The following PARP8 variants were observed in gnomAD, a reference collection of about 807,000 sequenced individuals.
PARP8 encodes protein mono-ADP-ribosyltransferase PARP8.
In PARP8, 51 loss-of-function variants were observed where a neutral mutation model predicts 124.1. That is an observed-to-expected ratio of 0.41 (90% CI 0.33 to 0.52). The LOEUF is 0.52. Ranked by LOEUF, PARP8 falls within the 20% of genes least tolerant of loss-of-function variation. PARP8 has a pLI of 0.21. For synonymous variants in PARP8, 391 were observed against 361.5 expected, an observed-to-expected ratio of 1.08 and a Z score of -0.93; for missense variants, 860 against 1,018.9, an observed-to-expected ratio of 0.84 and a Z score of 2.12.
intron 15 of PARP8, among the ~76,000 whole-genome samples, chr5:50,817,737 T>A (rs1745261099): frequency 2.0e-5 from 3 of 152,192 alleles, no homozygotes; most frequent in Admixed American, 2.0e-4. Context: ...TTAGACTACA[T>A]TGTATACCCT....
intron 2 of PARP8, among the ~76,000 whole-genome samples, chr5:50,699,599 T>C (rs1753377332): frequency 1.3e-5 from 2 of 152,296 alleles, no homozygotes; most frequent in East Asian, 1.9e-4. Context: ...TAAGAGGTTA[T>C]TGTGGGTCAC....
At chr5:50,731,846 A>G (rs1757005770) in intron 2 of PARP8, among the ~76,000 whole-genome samples, 1 of 152,164 alleles carries the variant, frequency 6.6e-6, no homozygotes, top group Non-Finnish European at 1.5e-5. Context: ...ATTTGCTCCA[A>G]ACATATTTAG....
intron 2 of PARP8, among the ~76,000 whole-genome samples, chr5:50,698,327 T>TCA (rs1753244059): frequency 6.6e-6 from 1 of 152,208 alleles, no homozygotes; most frequent in South Asian, 2.1e-4. Flanking sequence ...CTTGAAGTGT[T>TCA]CATGTTAATC....
chr5:50,812,506 T>C (rs552010563), intron 14 of PARP8, among the ~76,000 whole-genome samples: 1 of 152,336 alleles, frequency 6.6e-6, no homozygotes, highest in Non-Finnish European at 1.5e-5. Flanking sequence ...CTTTGTCAGA[T>C]GGGTAGATTG....
chr5:50,815,314 C>T (rs1362226020), intron 14 of PARP8, 118 bp from the exon 15 acceptor site: 5 of 663,210 alleles, frequency 7.5e-6, no homozygotes, highest in Non-Finnish European at 7.1e-6. Context: ...GTATGATTTC[C>T]TTTTTAAAAA....
At chr5:50,807,880 C>T (rs552410621) in intron 14 of PARP8, among the ~76,000 whole-genome samples, 1 of 152,134 alleles carries the variant, frequency 6.6e-6, no homozygotes, top group South Asian at 2.1e-4. Context: ...GTTACTTGCT[C>T]TGAGTGGTTT....
chr5:50,767,067 A>G (rs1414915124), intron 7 of PARP8, among the ~76,000 whole-genome samples: 1 of 152,098 alleles, frequency 6.6e-6, no homozygotes, highest in Non-Finnish European at 1.5e-5. Flanking sequence ...TTGGCCAGTC[A>G]TATGTGAGCT....
intron 7 of PARP8, among the ~76,000 whole-genome samples, chr5:50,768,381 CA>C (rs1257057196): frequency 2.0e-5 from 3 of 151,728 alleles, no homozygotes; most frequent in Non-Finnish European, 4.4e-5. Flanking sequence ...TTTAAATATC[CA>C]AAATCAAATT....
At chr5:50,804,731 C>G (rs980020237) in intron 14 of PARP8, among the ~76,000 whole-genome samples, 2 of 152,092 alleles carry the variant, frequency 1.3e-5, no homozygotes, top group Non-Finnish European at 2.9e-5. Context: ...ACTGAAGATT[C>G]ATTTGATGAA....
chr5:50,776,480 T>C (rs551325543), intron 7 of PARP8, among the ~76,000 whole-genome samples: 152 of 152,360 alleles, frequency 1.0e-3, no homozygotes, highest in African/African-American at 3.6e-3. Context: ...ACAGATGTTA[T>C]GATGCTTTGA....
chr5:50,734,844 G>C (rs1275965927), intron 2 of PARP8, among the ~76,000 whole-genome samples: 1 of 152,044 alleles, frequency 6.6e-6, no homozygotes, highest in Admixed American at 6.5e-5. Context: ...TGAATTCATA[G>C]TGCCAAAATC....
intron 14 of PARP8, among the ~76,000 whole-genome samples, chr5:50,804,611 T>C (rs1158074544): frequency 1.3e-5 from 2 of 152,190 alleles, no homozygotes; most frequent in African/African-American, 2.4e-5. Flanking sequence ...TTAGTAGTGG[T>C]ATTTCCATTT....
intron 2 of PARP8, among the ~76,000 whole-genome samples, chr5:50,739,443 C>T (rs1228720887): frequency 1.3e-5 from 2 of 152,056 alleles, no homozygotes; most frequent in East Asian, 1.9e-4. Flanking sequence ...ATCATCTCCT[C>T]TCGCTACATC....
At chr5:50,772,283 G>A (rs573076730) in intron 7 of PARP8, among the ~76,000 whole-genome samples, 14 of 152,196 alleles carry the variant, frequency 9.2e-5, no homozygotes, top group African/African-American at 3.4e-4. Context: ...TCTGCATCTT[G>A]GCTGTTGTGA....
At chr5:50,817,324 A>G (rs1424772286) in intron 15 of PARP8, among the ~76,000 whole-genome samples, 6 of 152,210 alleles carry the variant, frequency 3.9e-5, no homozygotes, top group African/African-American at 7.2e-5. Flanking sequence ...AAAGATCAGA[A>G]AGTTTAGTAA....
intron 2 of PARP8, among the ~76,000 whole-genome samples, chr5:50,726,407 A>C (rs547136131): frequency 6.6e-6 from 1 of 152,266 alleles, no homozygotes; most frequent in East Asian, 1.9e-4. Context: ...GCATTTTACA[A>C]ATATGTTTTT....
intron 2 of PARP8, among the ~76,000 whole-genome samples, chr5:50,696,712 T>C (rs982773332): frequency 2.6e-5 from 4 of 152,190 alleles, no homozygotes; most frequent in Admixed American, 2.6e-4. Flanking sequence ...TCTGTTTGTT[T>C]CACGCCATCC....
intron 3 of PARP8, chr5:50,757,330 G>A (rs898146275): frequency 1.5e-5 from 5 of 333,294 alleles, no homozygotes; most frequent in Non-Finnish European, 3.0e-5. Context: ...CTTCCAAAAA[G>A]AGAACAGAGT....
intron 7 of PARP8, among the ~76,000 whole-genome samples, chr5:50,771,586 T>C (rs967273065): frequency 7.9e-5 from 12 of 152,372 alleles, no homozygotes; most frequent in African/African-American, 2.9e-4. Flanking sequence ...CCTTTTCTTA[T>C]TAAATTACAT....
Sources: allele counts gnomAD v4.1 joint callset (sites outside exome capture counted in the v4.1 genomes callset), GRCh38; gene constraint gnomAD v4.1.1; transcripts MANE v1.5; gene names NCBI Gene and HGNC (gene_info 2026-07-23, HGNC 2026-07-21).